SLIT2: variants seen among roughly 807,000 people sequenced by gnomAD.
The protein encoded by SLIT2 is slit homolog 2 protein.
SLIT2 carries 41 observed loss-of-function variants against 185.7 expected under a neutral mutation model. The observed-to-expected ratio is 0.22, with a 90% CI of 0.17 to 0.29. The LOEUF (loss-of-function observed/expected upper bound fraction) is 0.29. SLIT2 is among the 10% of genes least tolerant of loss of function. The probability of loss-of-function intolerance (pLI) is 1.00; values close to 1 mark genes in which losing one functional copy is unlikely to be tolerated. For synonymous variants in SLIT2, 693 were observed against 680.2 expected (o/e 1.02, Z -0.29); for missense variants, 1,571 against 1,909.0 (o/e 0.82, Z 3.30).
At position 20,596,460 on chromosome 4, in the gene SLIT2, C is replaced by G; in HGVS notation, c.3366C>G (p.Thr1122=). Reference sequence around the variant, plus strand: ...CTCCACCCATGGTCCTCCCTCGTACCAGCCCCTGTGATAATTTTGATTGTC... The same window carrying G: ...CTCCACCCATGGTCCTCCCTCGTACGAGCCCCTGTGATAATTTTGATTGTC... ...EFSPPMVLPR[T]SPCDNFDCQN... Residue 1122 remains threonine (T), a synonymous_variant, in exon 32 of 37, where the codon ACC becomes ACG. Transcript: ENST00000504154. 6.2e-7 allele frequency: 1 copy of G among 1,613,992 alleles called. No individual in the cohort carries two copies. The highest frequency in any genetic ancestry group is 8.5e-7 in the Non-Finnish European group (1 of 1,179,926).
chr4:20,322,828 A>C (rs191444443), intron 4 of SLIT2, among the ~76,000 whole-genome samples: 2 of 152,266 alleles, frequency 1.3e-5, no homozygotes, highest in Non-Finnish European at 2.9e-5. Flanking sequence ...TACAGAGACT[A>C]ATGGTATTGA....
intron 9 of SLIT2, among the ~76,000 whole-genome samples, chr4:20,500,069 G>C (rs913926177): frequency 5.9e-5 from 9 of 152,022 alleles, no homozygotes; most frequent in African/African-American, 2.2e-4. Context: ...AGACAATATT[G>C]ATAAAATAAG....
At chr4:20,333,745 A>G (rs1577450344) in intron 4 of SLIT2, among the ~76,000 whole-genome samples, 1 of 152,246 alleles carries the variant, frequency 6.6e-6, no homozygotes, top group Non-Finnish European at 1.5e-5. Flanking sequence ...TCCTTTATTA[A>G]TTTGTTTTGA....
At chr4:20,603,002 A>G (rs1578007336) in intron 33 of SLIT2, among the ~76,000 whole-genome samples, 1 of 152,308 alleles carries the variant, frequency 6.6e-6, no homozygotes, top group African/African-American at 2.4e-5. Context: ...CAGCACTTAG[A>G]GAATAGCATA....
At chr4:20,340,146 C>T (rs1720844945) in intron 4 of SLIT2, among the ~76,000 whole-genome samples, 1 of 152,050 alleles carries the variant, frequency 6.6e-6, no homozygotes, top group Non-Finnish European at 1.5e-5. Flanking sequence ...TTATGGGGAA[C>T]ATGAGATGTT....
chr4:20,510,167 CTTATA>C (rs113246372), intron 9 of SLIT2, among the ~76,000 whole-genome samples: 28,537 of 151,818 alleles, frequency 0.19, 2,972 homozygotes, highest in African/African-American at 0.3. Flanking sequence ...ATTTCTCTAA[CTTATA>C]TTAAGTTAAT....
chr4:20,528,652 A>G lies in SLIT2; in HGVS notation c.1463-297A>G, dbSNP rs113837134. ...ATAAACTTTTTAATAATTAATATCCATTGTGTGACTAGCTGTGAAGTAGGC... is the reference window on the plus strand; with the variant it reads ...ATAAACTTTTTAATAATTAATATCCGTTGTGTGACTAGCTGTGAAGTAGGC... On this transcript the variant is annotated intron_variant, in intron 15 of 36. Coordinates refer to ENST00000504154, the MANE Select transcript of SLIT2 (RefSeq NM_004787.4). The surrounding 1 kb of genome is among the most constrained non-coding windows in gnomAD (Gnocchi z 4.2). Among the ~76,000 whole-genome samples, 11 of 152,256 alleles carry G rather than the reference A, an allele frequency of 7.2e-5. No individual in the cohort carries two copies. Among genetic ancestry groups the G allele is most frequent in the African/African-American group, 2.4e-4 (10 of 41,550 alleles).
chr4:20,514,156 C>T (rs1000304715), intron 11 of SLIT2, among the ~76,000 whole-genome samples: 4 of 152,136 alleles, frequency 2.6e-5, no homozygotes, highest in African/African-American at 9.7e-5. Context: ...AAGTACAAGG[C>T]AACACCTCTT....
chr4:20,521,216 A>G (rs533642750), intron 12 of SLIT2, among the ~76,000 whole-genome samples: 1 of 152,346 alleles, frequency 6.6e-6, no homozygotes, highest in African/African-American at 2.4e-5. Flanking sequence ...GGAGATCTAT[A>G]TAGATAAACC....
intron 4 of SLIT2, among the ~76,000 whole-genome samples, chr4:20,417,612 C>G (rs1577616621): frequency 6.6e-6 from 1 of 151,638 alleles, no homozygotes. Flanking sequence ...GCCTCTGCCT[C>G]CTAAGTTCAA....
intron 14 of SLIT2, 110 bp downstream of exon 14, chr4:20,524,287 C>A: frequency 2.2e-6 from 2 of 912,410 alleles, no homozygotes; most frequent in Non-Finnish European, 3.4e-6. Flanking sequence ...AATCATATTT[C>A]TTTTTCTTCT....
chr4:20,435,658 A>C, intron 4 of SLIT2, among the ~76,000 whole-genome samples: 1 of 152,202 alleles, frequency 6.6e-6, no homozygotes, highest in East Asian at 1.9e-4. Context: ...TCATATGAAA[A>C]GAACATGAAT....
intron 5 of SLIT2, among the ~76,000 whole-genome samples, chr4:20,472,631 T>G (rs372176166): frequency 2.5e-5 from 2 of 81,378 alleles, no homozygotes; most frequent in African/African-American, 5.3e-5. Flanking sequence ...GATATATCTA[T>G]ATATATCGAT....
chr4:20,425,365 A>G (rs1728471890), intron 4 of SLIT2, among the ~76,000 whole-genome samples: 1 of 152,110 alleles, frequency 6.6e-6, no homozygotes, highest in South Asian at 2.1e-4. Context: ...AGACACTATC[A>G]AAAAAATAAA....
At position 20,589,677 on chromosome 4, in the gene SLIT2, C is replaced by T; in HGVS notation, c.3122C>T (p.Ala1041Val). The T allele has an allele frequency of 6.2e-7, 1 of 1,613,910 alleles. No homozygotes were observed. Among genetic ancestry groups the T allele is most frequent in the Non-Finnish European group, 8.5e-7 (1 of 1,179,896 alleles). Residue 1041 changes from alanine to valine, a missense_variant, in exon 30 of 37, where the codon GCC becomes GTC. By Grantham distance (64) the Ala-to-Val change is moderately conservative. Around this residue, in one of 3 missense-constraint regions of SLIT2, gnomAD observed 1,202 missense variants for 1,416.4 expected, o/e 0.85. Coordinates refer to ENST00000504154, the MANE Select transcript of SLIT2 (RefSeq NM_004787.4). ...ELCEEKLDFC[A>V]QDLNPCQHDS... ...TGTGAGGAGAAGCTGGACTTCTGTG[C>T]CCAGGACCTGAACCCCTGCCAGCAC...
At chr4:20,445,476 C>T (rs1424673462) in intron 4 of SLIT2, among the ~76,000 whole-genome samples, 2 of 152,120 alleles carry the variant, frequency 1.3e-5, no homozygotes, top group Non-Finnish European at 1.5e-5. Flanking sequence ...AGAATTAGGC[C>T]TGTCTCCTCT....
chr4:20,486,371 G>A, intron 7 of SLIT2, 100 bp downstream of exon 7: 2 of 690,654 alleles, frequency 2.9e-6, no homozygotes, highest in Admixed American at 2.7e-5. Flanking sequence ...TGGTTTACAA[G>A]GTAGACAAGG....
chr4:20,412,526 A>T (rs903868334), intron 4 of SLIT2, among the ~76,000 whole-genome samples: 1 of 152,106 alleles, frequency 6.6e-6, no homozygotes, highest in African/African-American at 2.4e-5. Context: ...AAAATCTTTC[A>T]TATTTATACT....
At chr4:20,604,186 T>C (rs1018415724) in intron 33 of SLIT2, among the ~76,000 whole-genome samples, 1 of 152,208 alleles carries the variant, frequency 6.6e-6, no homozygotes, top group Non-Finnish European at 1.5e-5. Flanking sequence ...AAGTGGGAAT[T>C]TTATAGCCTG....
Sources: allele counts gnomAD v4.1 joint callset (sites outside exome capture counted in the v4.1 genomes callset), GRCh38; gene constraint gnomAD v4.1.1; regional missense constraint gnomAD v4.1.1; non-coding constraint Gnocchi (gnomAD v3.1); transcripts MANE v1.5; gene names NCBI Gene and HGNC (gene_info 2026-07-23, HGNC 2026-07-21).